Variants in COL6A6 observed in about 807,000 individuals in gnomAD.
COL6A6 encodes collagen type VI alpha 6 chain.
COL6A6 carries 183 observed loss-of-function variants against 208.6 expected under a neutral mutation model. That is an observed-to-expected ratio of 0.88 (90% CI 0.78 to 0.99). The LOEUF is 0.99. Among genes scored for constraint, COL6A6 ranks in the 50% least tolerant of loss-of-function variants. The pLI is 0.00. For missense variants in COL6A6, 2,816 were observed against 2,815.2 expected, an observed-to-expected ratio of 1.00 and a Z score of -0.01; for synonymous variants, 973 against 1,011.8, an observed-to-expected ratio of 0.96 and a Z score of 0.73.
In COL6A6 at chr3:130,598,299, A is replaced by G. The variant is rs146556522; in HGVS notation, c.4534-66A>G. 2.8e-3 allele frequency: 3,050 copies of G among 1,108,744 alleles called. 11 individuals carry two copies. Among genetic ancestry groups the G allele is most frequent in the Middle Eastern group, 4.7e-3 (23 of 4,914 alleles). 68.7% of individuals were successfully genotyped at this position (1,108,744 alleles called of 1,614,324 possible). On this transcript the variant is annotated intron_variant, in intron 18 of 36. Coordinates refer to ENST00000358511, the MANE Select transcript of COL6A6 (RefSeq NM_001102608.3). ...CTCGAGAGTTAGCTAAGTGTTATAC[A>G]TAAGTTATATGTTTAAGGAGAAATG... is the stretch of plus-strand genomic sequence containing the variant.
chr3:130,654,813 C>T (rs2065745039), intron 33 of COL6A6, among the ~76,000 whole-genome samples: 1 of 152,176 alleles, frequency 6.6e-6, no homozygotes, highest in Non-Finnish European at 1.5e-5. Flanking sequence ...AAATCAGTCT[C>T]CCTGAGAATT....
rs1443090971 is a variant in COL6A6 at position 130,563,234 on chromosome 3, T to A, written c.231T>A (p.Ser77Arg). 1.9e-6 allele frequency: 3 copies of A among 1,613,896 alleles called. No individual in the cohort carries two copies. Among genetic ancestry groups the A allele is most frequent in the Non-Finnish European group, 2.5e-6 (3 of 1,179,894 alleles). Residue 77 changes from serine (S) to arginine (R), a missense_variant, in exon 3 of 37, where the codon AGT (serine) becomes AGA (arginine). By Grantham distance (110) the Ser-to-Arg change is moderately radical. Transcript: ENST00000358511. ...ALAQYSDKLH[S>R]EFHLSTFKGR... ...CCCAGTACAGTGATAAACTTCACAGTGAATTCCACCTGAGCACCTTCAAAG... is the reference window on the plus strand; with the variant it reads ...CCCAGTACAGTGATAAACTTCACAGAGAATTCCACCTGAGCACCTTCAAAG...
chr3:130,520,611 G>A (rs1711010252), intron 1 of COL6A6, among the ~76,000 whole-genome samples: 1 of 152,206 alleles, frequency 6.6e-6, no homozygotes, highest in African/African-American at 2.4e-5. Context: ...TATTTGGTAA[G>A]TGAAGGACTT....
chr3:130,655,395 A>G (rs1170053282), intron 33 of COL6A6, among the ~76,000 whole-genome samples: 1 of 152,192 alleles, frequency 6.6e-6, no homozygotes, highest in African/African-American at 2.4e-5. Context: ...TGCCTGACCC[A>G]GTCAGACATC....
Position 130,563,106 on chromosome 3 carries a change from T to C in COL6A6, c.103T>C (p.Ser35Pro). ...YADVVFLVDS[S>P]DRLGSKSFPF... ...AGATGTTGTGTTTTTGGTGGACAGC[T>C]CTGATCGCCTGGGATCCAAGTCCTT... The change falls in exon 3 of 37, where the codon TCT (serine) becomes CCT (proline). Residue 35 changes from serine (S) to proline (P), a missense_variant. Ser to Pro is a moderately conservative substitution (Grantham distance 74, BLOSUM62 -1). Transcript: ENST00000358511. The C allele has an allele frequency of 6.2e-7, 1 of 1,613,908 alleles. No individual in the cohort carries two copies. Among genetic ancestry groups the C allele is most frequent in the Non-Finnish European group, 8.5e-7 (1 of 1,179,820 alleles).
intron 1 of COL6A6, among the ~76,000 whole-genome samples, chr3:130,532,525 G>T (rs1307172406): frequency 6.6e-6 from 1 of 152,164 alleles, no homozygotes; most frequent in Admixed American, 6.5e-5. Flanking sequence ...ACCAAAGCAG[G>T]TGACTTACTC....
Position 130,565,621 on chromosome 3 carries a change from T to A in COL6A6, c.1282+7T>A, listed in dbSNP as rs756277929. The A allele has an allele frequency of 2.5e-6, 4 of 1,599,092 alleles. No homozygotes were observed. The highest frequency in any genetic ancestry group is 3.4e-6 in the Non-Finnish European group (4 of 1,172,898). ...ACTGAAACGCTCAAATCTGGTAAGG[T>A]CTTCTGCTGAAAGAAGGGTTGTTTG... is the stretch of plus-strand genomic sequence containing the variant. On this transcript the variant is annotated splice_region_variant and intron_variant, in intron 4 of 36. Transcript: ENST00000358511.
chr3:130,612,135 A>G (rs1432285372), intron 23 of COL6A6, among the ~76,000 whole-genome samples: 1 of 152,214 alleles, frequency 6.6e-6, no homozygotes, highest in East Asian at 1.9e-4. Flanking sequence ...ATGGCTGTAT[A>G]GTATTCCATG....
chr3:130,569,279 A>G (rs940653650), intron 6 of COL6A6, among the ~76,000 whole-genome samples: 2 of 152,240 alleles, frequency 1.3e-5, no homozygotes, highest in Non-Finnish European at 2.9e-5. Context: ...AATTTTATAA[A>G]GCAGGAATAT....
At chr3:130,622,111 A>G (rs72996248) in intron 24 of COL6A6, among the ~76,000 whole-genome samples, 123 of 152,070 alleles carry the variant, frequency 8.1e-4, no homozygotes, top group African/African-American at 2.8e-3. Flanking sequence ...GATACACCCT[A>G]TTGGAGCTGA....
chr3:130,626,651 G>A (rs1158449980), intron 25 of COL6A6, 104 bp downstream of exon 25: 3 of 809,350 alleles, frequency 3.7e-6, no homozygotes, highest in East Asian at 2.5e-5. Context: ...CAATCCTCAT[G>A]AAGTTTTATA....
intron 1 of COL6A6, among the ~76,000 whole-genome samples, chr3:130,548,749 A>G (rs1416658217): frequency 6.6e-6 from 1 of 152,160 alleles, no homozygotes; most frequent in Non-Finnish European, 1.5e-5. Flanking sequence ...TGTACACTCT[A>G]AGTCTCCTGC....
At chr3:130,598,195 A>G (rs559883588) in intron 18 of COL6A6, among the ~76,000 whole-genome samples, 170 bp from the exon 19 acceptor site, 20 of 152,338 alleles carry the variant, frequency 1.3e-4, no homozygotes, top group Admixed American at 1.2e-3. Flanking sequence ...TGTCAAACAC[A>G]GGAGGAAAAG....
intron 18 of COL6A6, 149 bp downstream of exon 18, chr3:130,594,492 C>G: frequency 1.6e-6 from 1 of 626,142 alleles, no homozygotes; most frequent in Admixed American, 3.2e-5. Context: ...GGTACCTGTG[C>G]TAGATCCTCT....
intron 1 of COL6A6, among the ~76,000 whole-genome samples, chr3:130,558,378 C>T (rs1044470784): frequency 2.0e-5 from 3 of 152,136 alleles, no homozygotes; most frequent in Admixed American, 6.5e-5. Context: ...AACGCTTCAC[C>T]GGGCTTCAAC....
chr3:130,671,264 C>G (rs1164928106), intron 36 of COL6A6, among the ~76,000 whole-genome samples: 2 of 152,184 alleles, frequency 1.3e-5, no homozygotes, highest in African/African-American at 2.4e-5. Flanking sequence ...GGGAGCCAAC[C>G]TATGCAATTA....
At chr3:130,646,568 C>T (rs1232730301) in intron 32 of COL6A6, among the ~76,000 whole-genome samples, 2 of 152,018 alleles carry the variant, frequency 1.3e-5, no homozygotes, top group Non-Finnish European at 2.9e-5. Flanking sequence ...TGTGAGACTC[C>T]GTCTCAAACA....
chr3:130,661,010 TGA>T (rs958893920), intron 34 of COL6A6, among the ~76,000 whole-genome samples: 23 of 152,204 alleles, frequency 1.5e-4, no homozygotes, highest in African/African-American at 7.2e-5. Context: ...TTTTATTAAA[TGA>T]GATATGCATA....
In COL6A6 at chr3:130,661,695, C is replaced by G; in HGVS notation, c.5889C>G (p.Tyr1963Ter). Residue 1963 changes from tyrosine (Y) to a stop codon, truncating the protein, a stop_gained, in exon 35 of 37, where the codon TAC becomes TAG. Transcript: ENST00000358511. LOFTEE classifies it high-confidence loss of function. Reference protein sequence around the residue: ...DQARPPPVQSYMDAAFLLDAS... With the variant: ...DQARPPPVQS ...CCAGACCACCCCCTGTGCAGTCTTACATGGATGCTGCTTTCCTTCTGGATG... is the reference window on the plus strand; with the variant it reads ...CCAGACCACCCCCTGTGCAGTCTTAGATGGATGCTGCTTTCCTTCTGGATG... The G allele has an allele frequency of 6.2e-7, 1 of 1,613,946 alleles. No homozygotes were observed. Among genetic ancestry groups the G allele is most frequent in the Non-Finnish European group, 8.5e-7 (1 of 1,179,850 alleles).
Sources: gnomAD v4.1 joint callset for allele counts (sites outside exome capture counted in the v4.1 genomes callset) on GRCh38, gnomAD v4.1.1 for gene constraint, MANE v1.5 for transcripts, NCBI Gene and HGNC (gene_info 2026-07-23, HGNC 2026-07-21) for gene names.